The following CCDC27 variants were observed in gnomAD, a reference collection of about 807,000 sequenced individuals.
CCDC27 encodes the protein coiled-coil domain-containing protein 27.
A neutral mutation model predicts 80.3 loss-of-function variants in CCDC27; 80 were observed. That is an observed-to-expected ratio of 1.00 (90% confidence interval 0.83 to 1.20). The LOEUF (loss-of-function observed/expected upper bound fraction) is 1.20, where lower values mean the gene tolerates loss of function less well. Ranked by LOEUF, CCDC27 falls within the 50% of genes most tolerant of loss-of-function variation. The pLI is 0.00. For synonymous variants in CCDC27, 342 were observed against 334.3 expected (o/e 1.02, Z -0.25); for missense variants, 815 against 809.4 (o/e 1.01, Z -0.08).
chr1:3,755,406 G>T (rs756022495), intron 2 of CCDC27, 51 bp from the exon 3 acceptor site: 2 of 1,455,746 alleles, frequency 1.4e-6, no homozygotes, highest in East Asian at 4.5e-5. Flanking sequence ...TGGAGATCTT[G>T]GGGAGACAAG....
At chr1:3,762,203 T>C (rs1011669869) in intron 5 of CCDC27, among the ~76,000 whole-genome samples, 2 of 152,022 alleles carry the variant, frequency 1.3e-5, no homozygotes, top group Non-Finnish European at 2.9e-5. Flanking sequence ...CCTAAATGCC[T>C]CAAGGGAAGG....
intron 8 of CCDC27, among the ~76,000 whole-genome samples, chr1:3,764,714 G>A (rs1034264947): frequency 1.3e-5 from 2 of 151,994 alleles, no homozygotes; most frequent in African/African-American, 4.8e-5. Context: ...ATTTTTGGTG[G>A]AGCACATCCT....
chr1:3,753,049 C>A (rs1642863155), intron 1 of CCDC27, among the ~76,000 whole-genome samples: 1 of 152,212 alleles, frequency 6.6e-6, no homozygotes, highest in Non-Finnish European at 1.5e-5. Flanking sequence ...GGGTTAGCTG[C>A]TTTGGGTTGG....
rs1011854786 is a variant in CCDC27, at chr1:3,769,392, G to A, written c.1744-391G>A. ...AAGTGAGAGTGTCCCCAAGGGCCAG[G>A]AAGTCCGCTCACTGCAGCTCCCCTG... is the stretch of plus-strand genomic sequence containing the variant. On this transcript the variant is annotated intron_variant, in intron 10 of 11. Transcript: ENST00000294600. This position sits in a 1 kb window ranked among gnomAD's most constrained non-coding sequence, Gnocchi z 4.6. Among the ~76,000 whole-genome samples the A allele has an allele frequency of 3.9e-5, 6 of 152,322 alleles. No individual in the cohort carries two copies. The South Asian group carries it at 1.0e-3, about 26-fold the overall frequency.
chr1:3,765,870 CTTT>C (rs57502840), intron 8 of CCDC27, among the ~76,000 whole-genome samples: 34 of 144,122 alleles, frequency 2.4e-4, no homozygotes, highest in African/African-American at 5.9e-4. Flanking sequence ...TTCTTTTCTC[CTTT>C]TTTTTTTTTT....
At position 3,766,737 on chromosome 1, in the gene CCDC27, T is replaced by G; in HGVS notation, c.1530+125T>G. On this transcript the variant is annotated intron_variant, in intron 9 of 11. Coordinates refer to ENST00000294600, the MANE Select transcript of CCDC27 (RefSeq NM_152492.3). This position sits in a 1 kb window ranked among gnomAD's most constrained non-coding sequence, Gnocchi z 6.1. ...CTGAGCCAGGACCCCTTCGGTAGCA[T>G]GCCACTCGACAGATCTCTGCACCCC... 1.4e-6 allele frequency: 1 copy of G among 698,418 alleles called. No individual in the cohort carries two copies. The highest frequency in any genetic ancestry group is 2.4e-6 in the Non-Finnish European group (1 of 411,386). The allele number at this position is 698,418 out of a possible 1,614,324, so 43.3% of individuals were successfully genotyped here.
At position 3,764,881 on chromosome 1, in the gene CCDC27, C is replaced by CA. The variant is rs538945964; in HGVS notation, c.1452+1050dup. ...TGAAACCCCAGCTCTACTAAAAATACAAAAATTAACCGGTGTGATGGTGGA... is the reference window on the plus strand; with the variant it reads ...TGAAACCCCAGCTCTACTAAAAATACAAAAAATTAACCGGTGTGATGGTGGA... On this transcript the variant is annotated intron_variant, in intron 8 of 11. Coordinates refer to ENST00000294600, the MANE Select transcript of CCDC27 (RefSeq NM_152492.3). Among the ~76,000 whole-genome samples, 1,434 of 152,084 alleles carry CA rather than the reference C, an allele frequency of 9.4e-3. 20 individuals are homozygous for CA. The highest frequency in any genetic ancestry group is 0.013 in the Non-Finnish European group (904 of 67,970).
At chr1:3,753,492 ATTTG>A (rs888662917) in intron 1 of CCDC27, among the ~76,000 whole-genome samples, 1 of 151,076 alleles carries the variant, frequency 6.6e-6, no homozygotes, top group African/African-American at 2.4e-5. Context: ...GGCTAATTTT[ATTTG>A]TTTGTTTGTT....
rs983216955 is a variant in CCDC27, at chr1:3,761,953, C to G, written c.861+523C>G. Among the ~76,000 whole-genome samples, 8 of 135,490 alleles carry G rather than the reference C, an allele frequency of 5.9e-5. No individual in the cohort carries two copies. The highest frequency in any genetic ancestry group is 2.2e-4 in the African/African-American group (8 of 36,282). The allele number at this position is 135,490 out of a possible 152,430, so 88.9% of individuals were successfully genotyped here. A position where few individuals can be genotyped will look rare whatever the true frequency, so the allele number is the denominator to read the frequency against. On this transcript the variant is annotated intron_variant, in intron 5 of 11. Transcript: ENST00000294600. This position sits in a 1 kb window ranked among gnomAD's most constrained non-coding sequence, Gnocchi z 5.0. ...CCCCACTCTCTGGCTGTGAAGCCCC[C>G]TGCGAGGTTGGGCATGGGGTTGGGG...
intron 10 of CCDC27, among the ~76,000 whole-genome samples, chr1:3,767,774 T>A (rs1462173578): frequency 6.6e-6 from 1 of 152,232 alleles, no homozygotes; most frequent in African/African-American, 2.4e-5. Flanking sequence ...TAGGGAGGCA[T>A]GGTGTTGCCC....
At position 3,761,445 on chromosome 1, in the gene CCDC27, GC is replaced by G. The variant is rs1643083563; in HGVS notation, c.861+16del. On this transcript the variant is annotated intron_variant, in intron 5 of 11. Coordinates refer to ENST00000294600, the MANE Select transcript of CCDC27 (RefSeq NM_152492.3). The surrounding 1 kb of genome is among the most constrained non-coding windows in gnomAD (Gnocchi z 5.0). The stretch of plus-strand genomic sequence containing the variant: ...CAGGCAGGAGGGTGAGCCAGCCCCA[GC>G]GGGGCACAGCGCAGAGCTCTAAGAC... The G allele has an allele frequency of 6.2e-7, 1 of 1,612,524 alleles. No individual in the cohort carries two copies. The highest frequency in any genetic ancestry group is 8.5e-7 in the Non-Finnish European group (1 of 1,179,670).
intron 2 of CCDC27, among the ~76,000 whole-genome samples, chr1:3,754,838 AG>A (rs1025786381): frequency 1.5e-3 from 12 of 8,232 alleles, no homozygotes; most frequent in African/African-American, 3.9e-3. Context: ...ACCAGTAGCA[AG>A]GGTGGGGTGG....
At chr1:3,754,678 G>A (rs561224416) in intron 2 of CCDC27, among the ~76,000 whole-genome samples, 1 of 152,270 alleles carries the variant, frequency 6.6e-6, no homozygotes, top group Non-Finnish European at 1.5e-5. Flanking sequence ...GAGGCTTGGA[G>A]CAGGCAGCTG....
chr1:3,759,411 C>T (rs1026779345), intron 4 of CCDC27, among the ~76,000 whole-genome samples: 2 of 152,154 alleles, frequency 1.3e-5, no homozygotes, highest in Admixed American at 6.5e-5. Flanking sequence ...AGGGTGGGGA[C>T]GGCCTCTGTC....
At position 3,763,609 on chromosome 1, in the gene CCDC27, G is replaced by A; in HGVS notation, c.1322-97G>A. ...GGTGTCGGCAGCCTCACCCAGGCTG[G>A]CAGAGCCCTCCCAGCTGCCGCAGTG... On this transcript the variant is annotated intron_variant, in intron 7 of 11. Transcript: ENST00000294600. The surrounding 1 kb of genome is among the most constrained non-coding windows in gnomAD (Gnocchi z 7.5). 1 of 1,573,814 alleles carries A rather than the reference G, an allele frequency of 6.4e-7. No homozygotes were observed. Among genetic ancestry groups the A allele is most frequent in the East Asian group, 2.3e-5 (1 of 44,440 alleles).
chr1:3,767,424 C>T lies in CCDC27; in HGVS notation c.1722C>T (p.Ala574=). 1.2e-6 allele frequency: 2 copies of T among 1,612,884 alleles called. No individual in the cohort carries two copies. Among genetic ancestry groups the T allele is most frequent in the Non-Finnish European group, 1.7e-6 (2 of 1,179,844 alleles). ...AGGCAGAGCAGCACACCCGCGTGGCCCTGGAGAGCTCCCAGTCCAGGGTAT... is the reference window on the plus strand; with the variant it reads ...AGGCAGAGCAGCACACCCGCGTGGCTCTGGAGAGCTCCCAGTCCAGGGTAT... The part of the protein sequence containing the change: ...IQQAEQHTRV[A]LESSQSRLER... Residue 574 remains alanine, a synonymous_variant, in exon 10 of 12, where the codon GCC becomes GCT. Coordinates refer to ENST00000294600, the MANE Select transcript of CCDC27 (RefSeq NM_152492.3).
At chr1:3,756,276 G>A (rs1020605217) in intron 3 of CCDC27, 5 of 155,308 alleles carry the variant, frequency 3.2e-5, no homozygotes, top group African/African-American at 1.2e-4. Flanking sequence ...GTAGGCAGAG[G>A]TTACAGTGAG....
chr1:3,765,870 C>CT lies in CCDC27; in HGVS notation c.1453-651dup, dbSNP rs57502840. ...AGAGTTTCTTTTCTTTTCTTTTCTC[C>CT]TTTTTTTTTTTTTTCTGAGATGGGT... On this transcript the variant is annotated intron_variant, in intron 8 of 11. Transcript: ENST00000294600. Among the ~76,000 whole-genome samples the CT allele has an allele frequency of 6.6e-3, 957 of 144,096 alleles. 3 individuals carry two copies. Among genetic ancestry groups the CT allele is most frequent in the Non-Finnish European group, 0.011 (736 of 66,062 alleles). The allele number at this position is 144,096 out of a possible 152,430, so 94.5% of individuals were successfully genotyped here.
At chr1:3,756,973 G>T in intron 4 of CCDC27, 83 bp downstream of exon 4, 1 of 1,478,414 alleles carries the variant, frequency 6.8e-7, no homozygotes, top group South Asian at 1.3e-5. Context: ...TCCCTGACAG[G>T]CTCTGGTTCT....
Sources: gnomAD v4.1 joint callset for allele counts (sites outside exome capture counted in the v4.1 genomes callset) on GRCh38, gnomAD v4.1.1 for gene constraint, Gnocchi (gnomAD v3.1) non-coding constraint, MANE v1.5 for transcripts, NCBI Gene and HGNC (gene_info 2026-07-23, HGNC 2026-07-21) for gene names.